The following RARB variants were observed in gnomAD, a reference collection of about 807,000 sequenced individuals.
The protein encoded by RARB is HBV-activated protein.
In RARB, 17 loss-of-function variants were observed where a neutral mutation model predicts 51.9. The ratio of observed to expected loss-of-function variants is 0.33; its 90% CI spans 0.22 to 0.49. The LOEUF (loss-of-function observed/expected upper bound fraction) is 0.49. Ranked by LOEUF, RARB falls within the 20% of genes least tolerant of loss-of-function variation. RARB has a pLI of 0.99. For missense variants in RARB, 369 were observed against 550.8 expected, an observed-to-expected ratio of 0.67 and a Z score of 3.30; for synonymous variants, 215 against 195.4, an observed-to-expected ratio of 1.10 and a Z score of -0.84.
intron 5 of RARB, among the ~76,000 whole-genome samples, chr3:25,262,784 T>C (rs1703034749): frequency 6.6e-6 from 1 of 152,212 alleles, no homozygotes. Flanking sequence ...AGCATGTTTA[T>C]AGTTTTTAGG....
chr3:24,860,773 A>C (rs1702735412), intron 2 of RARB, among the ~76,000 whole-genome samples: 1 of 152,172 alleles, frequency 6.6e-6, no homozygotes. Flanking sequence ...TCAGGTGATA[A>C]TGTGCTGTGT....
intron 5 of RARB, among the ~76,000 whole-genome samples, chr3:25,353,584 ATT>A (rs3035062): frequency 0.055 from 8,004 of 144,782 alleles, 216 homozygotes; most frequent in Middle Eastern, 0.083. Context: ...TGCTGCTGAG[ATT>A]TTTTTTTTTT....
intron 5 of RARB, among the ~76,000 whole-genome samples, chr3:25,288,810 A>C (rs1703715425): frequency 6.6e-6 from 1 of 152,016 alleles, no homozygotes; most frequent in Admixed American, 6.6e-5. Context: ...TTCTGCTTTG[A>C]ATTGTCCCTG....
At chr3:25,274,469 G>C (rs1703331332) in intron 5 of RARB, among the ~76,000 whole-genome samples, 1 of 152,090 alleles carries the variant, frequency 6.6e-6, no homozygotes, top group Non-Finnish European at 1.5e-5. Context: ...ATTTATACAG[G>C]GTGATCAGGA....
chr3:25,444,380 G>A (rs1038017343), intron 1 of RARB, among the ~76,000 whole-genome samples: 3 of 152,156 alleles, frequency 2.0e-5, no homozygotes, highest in Non-Finnish European at 2.9e-5. Context: ...ATAATAAAAG[G>A]GTTAACAAGT....
chr3:25,075,603 G>A (rs988382219), intron 3 of RARB, among the ~76,000 whole-genome samples: 1 of 151,152 alleles, frequency 6.6e-6, no homozygotes, highest in Non-Finnish European at 1.5e-5. Flanking sequence ...TAATTGCTAA[G>A]AACCCTCTTA....
rs559926781 is a variant in RARB at position 25,117,869 on chromosome 3, C to T, written c.-327-14292C>T. Among the ~76,000 whole-genome samples, 13 of 151,948 alleles carry T rather than the reference C, an allele frequency of 8.6e-5. No individual in the cohort carries two copies. The East Asian group carries it at 1.4e-3, about 16-fold the overall frequency. Reference sequence around the variant, plus strand: ...CTAAAATGTGTTACTGAAATCTGTTCGGTATAACAAAAGAAGATATAATCA... The same window carrying T: ...CTAAAATGTGTTACTGAAATCTGTTTGGTATAACAAAAGAAGATATAATCA... On this transcript the variant is annotated intron_variant, in intron 3 of 11. Transcript: ENST00000383772.
intron 2 of RARB, among the ~76,000 whole-genome samples, chr3:24,895,157 GATATA>G (rs995466822): frequency 3.3e-5 from 5 of 152,172 alleles, no homozygotes; most frequent in Non-Finnish European, 7.3e-5. Context: ...CCATTTAAAT[GATATA>G]ATCTCTATTT....
At chr3:25,157,599 G>GT (rs1441377601) in intron 4 of RARB, among the ~76,000 whole-genome samples, 9 of 152,018 alleles carry the variant, frequency 5.9e-5, no homozygotes, top group African/African-American at 2.2e-4. Context: ...GTTTCACCAT[G>GT]TTGACCAGGC....
intron 5 of RARB, among the ~76,000 whole-genome samples, chr3:25,412,917 G>A (rs536411481): frequency 1.3e-5 from 2 of 152,228 alleles, no homozygotes; most frequent in Admixed American, 6.5e-5. Context: ...TATTCAGGAG[G>A]CTGAGGCAGG....
At chr3:25,350,857 G>A (rs750389453) in intron 5 of RARB, among the ~76,000 whole-genome samples, 1 of 152,188 alleles carries the variant, frequency 6.6e-6, no homozygotes, top group Non-Finnish European at 1.5e-5. Flanking sequence ...TGGGCTGCAT[G>A]TCCCCTTGTT....
intron 4 of RARB, among the ~76,000 whole-genome samples, chr3:25,159,442 G>C (rs544011202): frequency 2.9e-4 from 41 of 143,028 alleles, no homozygotes; most frequent in Middle Eastern, 3.5e-3. Context: ...GCCTCCCAAA[G>C]TGCTGGGATT....
chr3:25,020,484 C>T (rs1415270307), intron 2 of RARB: 1 of 152,088 alleles, frequency 6.6e-6, no homozygotes, highest in African/African-American at 2.4e-5. Context: ...ACGGCACAGT[C>T]TCATAATCAC....
intron 2 of RARB, among the ~76,000 whole-genome samples, chr3:24,866,341 C>G (rs1048962378): frequency 6.6e-6 from 1 of 152,134 alleles, no homozygotes; most frequent in Non-Finnish European, 1.5e-5. Context: ...ACTCTCAACT[C>G]CTCTTCATCC....
At chr3:25,260,541 C>T (rs1404104415) in intron 5 of RARB, among the ~76,000 whole-genome samples, 1 of 152,024 alleles carries the variant, frequency 6.6e-6, no homozygotes, top group African/African-American at 2.4e-5. Context: ...TCCGAGAAGC[C>T]ATATCCAAGG....
intron 5 of RARB, among the ~76,000 whole-genome samples, chr3:25,413,208 G>A (rs970469044): frequency 5.3e-5 from 8 of 152,008 alleles, no homozygotes; most frequent in Non-Finnish European, 7.4e-5. Context: ...TTTGAACTTC[G>A]TATGAATAGA....
In RARB at chr3:25,287,854, G is replaced by A. The variant is rs75974815; in HGVS notation, c.178+113279G>A. 5.6e-3 allele frequency among the ~76,000 whole-genome samples: 850 copies of A among 152,008 alleles called. 11 individuals are homozygous for A. The highest frequency in any genetic ancestry group is 0.019 in the African/African-American group (807 of 41,424). ...TACATTTCTCTTCTGCTTGTTGTCAGCCATATTCACTTAGAGCTTGATAAA... is the reference window on the plus strand; with the variant it reads ...TACATTTCTCTTCTGCTTGTTGTCAACCATATTCACTTAGAGCTTGATAAA... On this transcript the variant is annotated intron_variant, in intron 5 of 11. Coordinates refer to the RARB transcript ENST00000383772.
intron 5 of RARB, among the ~76,000 whole-genome samples, chr3:25,330,455 A>G (rs2125444643): frequency 6.6e-6 from 1 of 152,326 alleles, no homozygotes; most frequent in East Asian, 1.9e-4. Flanking sequence ...TTTACAGACA[A>G]GCAAATGCTG....
intron 5 of RARB, among the ~76,000 whole-genome samples, chr3:25,417,367 T>C (rs1707731981): frequency 6.6e-6 from 1 of 152,116 alleles, no homozygotes; most frequent in South Asian, 2.1e-4. Flanking sequence ...TGATATGGTT[T>C]GGCTGTGTCC....
Sources: allele counts gnomAD v4.1 joint callset (sites outside exome capture counted in the v4.1 genomes callset), GRCh38; gene constraint gnomAD v4.1.1; transcripts MANE v1.5; gene names NCBI Gene and HGNC (gene_info 2026-07-23, HGNC 2026-07-21).